Variants in AK5 observed in about 807,000 individuals in gnomAD.
AK5 encodes the protein adenylate kinase isoenzyme 5.
A neutral mutation model predicts 69.5 loss-of-function variants in AK5; 27 were observed. That is an observed-to-expected ratio of 0.39 (90% confidence interval 0.29 to 0.54). The LOEUF (loss-of-function observed/expected upper bound fraction) is 0.54. AK5 is among the 20% of genes least tolerant of loss of function. The pLI is 0.71. For synonymous variants in AK5, 260 were observed against 244.4 expected, an observed-to-expected ratio of 1.06 and a Z score of -0.60; for missense variants, 531 against 700.4, an observed-to-expected ratio of 0.76 and a Z score of 2.73.
intron 13 of AK5, among the ~76,000 whole-genome samples, chr1:77,537,419 A>G (rs1659032970): frequency 6.6e-6 from 1 of 152,208 alleles, no homozygotes; most frequent in Admixed American, 6.5e-5. Context: ...GGGAACTACC[A>G]AAGGGGCAGG....
intron 6 of AK5, among the ~76,000 whole-genome samples, chr1:77,373,557 C>A (rs886523579): frequency 6.6e-6 from 1 of 151,982 alleles, no homozygotes; most frequent in Admixed American, 6.6e-5. Flanking sequence ...GAAACCCTGC[C>A]TCTGCTAAAA....
intron 5 of AK5, among the ~76,000 whole-genome samples, chr1:77,325,044 C>T (rs1054036964): frequency 1.1e-4 from 16 of 148,054 alleles, no homozygotes; most frequent in Non-Finnish European, 2.2e-4. Flanking sequence ...GCAATCTCGG[C>T]TCACTACACT....
chr1:77,313,767 C>A (rs1001442259), intron 5 of AK5: 1 of 521,234 alleles, frequency 1.9e-6, no homozygotes, highest in Non-Finnish European at 3.9e-6. Context: ...TTCTTAGGAT[C>A]CTGTTACTTC....
At chr1:77,433,820 C>A (rs1420147599) in intron 8 of AK5, among the ~76,000 whole-genome samples, 4 of 151,960 alleles carry the variant, frequency 2.6e-5, no homozygotes, top group South Asian at 2.1e-4. Context: ...GTAATTAATT[C>A]TTTTCCTGCT....
chr1:77,505,386 C>A (rs780399134), intron 10 of AK5, among the ~76,000 whole-genome samples: 1 of 152,128 alleles, frequency 6.6e-6, no homozygotes, highest in Non-Finnish European at 1.5e-5. Flanking sequence ...CAGACAGATT[C>A]CCAAAGAAAA....
intron 10 of AK5, among the ~76,000 whole-genome samples, chr1:77,510,736 T>C (rs1370004390): frequency 6.6e-6 from 1 of 152,234 alleles, no homozygotes; most frequent in East Asian, 1.9e-4. Flanking sequence ...TTTTTTAGTC[T>C]TTCAGCTGCT....
At chr1:77,415,554 T>C (rs1489672032) in intron 7 of AK5, among the ~76,000 whole-genome samples, 1 of 152,210 alleles carries the variant, frequency 6.6e-6, no homozygotes, top group Non-Finnish European at 1.5e-5. Context: ...AATGATGCTT[T>C]CAATAGCAGC....
intron 6 of AK5, among the ~76,000 whole-genome samples, chr1:77,361,970 G>A (rs866574909): frequency 2.0e-5 from 3 of 152,078 alleles, no homozygotes; most frequent in Non-Finnish European, 4.4e-5. Flanking sequence ...GGCATCTTGG[G>A]TAGGTAACTT....
intron 12 of AK5, among the ~76,000 whole-genome samples, chr1:77,530,273 G>A (rs1160824939): frequency 6.6e-6 from 1 of 152,210 alleles, no homozygotes; most frequent in Non-Finnish European, 1.5e-5. Flanking sequence ...GTAATGGTGT[G>A]TGGGGGGAGA....
chr1:77,521,566 A>G (rs768456376), intron 11 of AK5, among the ~76,000 whole-genome samples: 10 of 152,218 alleles, frequency 6.6e-5, no homozygotes, highest in Admixed American at 1.3e-4. Context: ...AAGACAGATA[A>G]CTGGTAAGAA....
At chr1:77,430,670 T>C (rs12033923) in intron 8 of AK5, among the ~76,000 whole-genome samples, 11,131 of 151,948 alleles carry the variant, frequency 0.073, 606 homozygotes, top group East Asian at 0.25. Flanking sequence ...TAGAGAAAGA[T>C]GAAAGAGCAG....
chr1:77,327,824 A>G (rs554476573), intron 5 of AK5, among the ~76,000 whole-genome samples: 4 of 152,238 alleles, frequency 2.6e-5, no homozygotes, highest in Non-Finnish European at 5.9e-5. Flanking sequence ...TAAAGGGCAC[A>G]TAATTATAGA....
intron 6 of AK5, among the ~76,000 whole-genome samples, chr1:77,398,602 T>C (rs1648984480): frequency 6.6e-6 from 1 of 152,242 alleles, no homozygotes; most frequent in African/African-American, 2.4e-5. Context: ...TTTGTCTAAC[T>C]GCTGGGCTCA....
intron 10 of AK5, among the ~76,000 whole-genome samples, chr1:77,497,827 C>G (rs927898103): frequency 2.0e-5 from 3 of 152,182 alleles, no homozygotes; most frequent in Non-Finnish European, 2.9e-5. Context: ...AGCCATCCAC[C>G]TGCCTTGGCC....
rs927991010 is a variant in AK5, at chr1:77,443,358, G to A, written c.1059+25643G>A. Among the ~76,000 whole-genome samples the A allele has an allele frequency of 2.0e-5, 3 of 152,242 alleles. No individual in the cohort carries two copies. In the South Asian group the frequency reaches 6.2e-4, roughly 32 times the overall value. The stretch of plus-strand genomic sequence containing the variant: ...CATCCATTACAAACAAGAGCATGGA[G>A]TCTTAACCCAGATAGACATGGATCA... On this transcript the variant is annotated intron_variant, in intron 8 of 13. Transcript: ENST00000354567.
At chr1:77,434,394 G>A (rs1007732335) in intron 8 of AK5, among the ~76,000 whole-genome samples, 5 of 152,092 alleles carry the variant, frequency 3.3e-5, no homozygotes. Flanking sequence ...ATCTCTATAA[G>A]TTGAGAGATA....
intron 8 of AK5, among the ~76,000 whole-genome samples, chr1:77,436,156 G>A (rs1651946780): frequency 6.6e-6 from 1 of 151,938 alleles, no homozygotes; most frequent in African/African-American, 2.4e-5. Context: ...CCTACTTACT[G>A]GTTCCTTTCT....
intron 8 of AK5, among the ~76,000 whole-genome samples, chr1:77,460,616 T>C (rs1176230720): frequency 2.6e-5 from 4 of 152,216 alleles, no homozygotes; most frequent in Admixed American, 6.5e-5. Context: ...AAAAAAGAAC[T>C]AAATCCTGCT....
intron 13 of AK5, among the ~76,000 whole-genome samples, chr1:77,541,877 C>T (rs1557664513): frequency 3.3e-5 from 5 of 152,192 alleles, no homozygotes; most frequent in African/African-American, 9.7e-5. Flanking sequence ...TTGCTTTGCT[C>T]AGGGTCTCCT....
Sources: gnomAD v4.1 joint callset for allele counts (sites outside exome capture counted in the v4.1 genomes callset) on GRCh38, gnomAD v4.1.1 for gene constraint, MANE v1.5 for transcripts, NCBI Gene and HGNC (gene_info 2026-07-23, HGNC 2026-07-21) for gene names.